The following TMEM117 variants were observed in gnomAD, a reference collection of about 807,000 sequenced individuals.
The protein encoded by TMEM117 is transmembrane protein 117.
A neutral mutation model predicts 52.4 loss-of-function variants in TMEM117; 27 were observed. The ratio of observed to expected loss-of-function variants is 0.51; its 90% CI spans 0.38 to 0.71. The LOEUF (loss-of-function observed/expected upper bound fraction) is 0.71. Ranked by LOEUF, TMEM117 falls within the 30% of genes least tolerant of loss-of-function variation. The pLI, the probability that TMEM117 is intolerant of heterozygous loss-of-function variation, is 0.00. For synonymous variants in TMEM117, 215 were observed against 206.3 expected (o/e 1.04, Z -0.36); for missense variants, 556 against 630.5 (o/e 0.88, Z 1.26).
chr12:44,382,991 TG>T (rs1270280617), intron 7 of TMEM117, among the ~76,000 whole-genome samples: 3 of 152,176 alleles, frequency 2.0e-5, no homozygotes, highest in Non-Finnish European at 4.4e-5. Context: ...CCAAGAAGAC[TG>T]ATACAGCAAA....
At chr12:44,211,941 A>G (rs1258806650) in intron 5 of TMEM117, among the ~76,000 whole-genome samples, 3 of 152,204 alleles carry the variant, frequency 2.0e-5, no homozygotes, top group Non-Finnish European at 4.4e-5. Context: ...AACAGAAAAG[A>G]TAGGAATGGA....
chr12:44,136,673 TA>T (rs977445649), intron 3 of TMEM117, among the ~76,000 whole-genome samples: 2 of 152,166 alleles, frequency 1.3e-5, no homozygotes, highest in African/African-American at 4.8e-5. Context: ...TAATCTCATT[TA>T]AAAAATACTT....
chr12:44,333,037 GA>G (rs1211013226), intron 6 of TMEM117, among the ~76,000 whole-genome samples: 2 of 151,936 alleles, frequency 1.3e-5, no homozygotes. Flanking sequence ...ATTACAGTTT[GA>G]TAAGATGTAA....
chr12:43,826,242 C>T, the TMEM117 span, among the ~76,000 whole-genome samples: 7 of 152,306 alleles, frequency 4.6e-5, no homozygotes, highest in South Asian at 2.1e-4. Context: ...AATTCTTCTG[C>T]GACAAGCCAA....
intron 2 of TMEM117, among the ~76,000 whole-genome samples, chr12:43,904,183 A>G (rs1050440593): frequency 6.6e-6 from 1 of 152,214 alleles, no homozygotes; most frequent in African/African-American, 2.4e-5. Flanking sequence ...GATTCATTAA[A>G]TAGTTCATAA....
intron 3 of TMEM117, among the ~76,000 whole-genome samples, chr12:44,054,019 T>C (rs1456501773): frequency 6.6e-6 from 1 of 152,162 alleles, no homozygotes; most frequent in Non-Finnish European, 1.5e-5. Flanking sequence ...TAATTGTAAG[T>C]GAAAAGAAGT....
intron 5 of TMEM117, among the ~76,000 whole-genome samples, chr12:44,291,089 G>A (rs918647825): frequency 1.3e-5 from 2 of 152,062 alleles, no homozygotes; most frequent in African/African-American, 2.4e-5. Flanking sequence ...GGGTAATATG[G>A]ATATTTTAGC....
intron 3 of TMEM117, among the ~76,000 whole-genome samples, chr12:43,951,874 C>T (rs1054134313): frequency 1.3e-5 from 2 of 152,178 alleles, no homozygotes; most frequent in Admixed American, 6.5e-5. Context: ...CAGCAGACAC[C>T]TGATGCAGGA....
chr12:44,159,564 A>C (rs1009318378), intron 4 of TMEM117, among the ~76,000 whole-genome samples: 1 of 152,148 alleles, frequency 6.6e-6, no homozygotes, highest in Non-Finnish European at 1.5e-5. Flanking sequence ...CAGTGTGTCC[A>C]TAATTTCTAA....
intron 5 of TMEM117, among the ~76,000 whole-genome samples, chr12:44,220,723 A>C (rs552646090): frequency 6.6e-6 from 1 of 152,242 alleles, no homozygotes; most frequent in South Asian, 2.1e-4. Context: ...GTCATGCCAG[A>C]AAGTAAGGAA....
At chr12:43,864,968 G>T (rs1380403822) in intron 2 of TMEM117, among the ~76,000 whole-genome samples, 1 of 152,068 alleles carries the variant, frequency 6.6e-6, no homozygotes, top group African/African-American at 2.4e-5. Flanking sequence ...AACAATTCCA[G>T]ACCCGCCACC....
rs1201818976 is a variant in TMEM117, at chr12:44,388,526, G to C, written c.1399G>C (p.Val467Leu). The change falls in exon 8 of 8, where the codon GTT becomes CTT. Residue 467 changes from valine to leucine, a missense_variant. Around this residue, in one of 3 missense-constraint regions of TMEM117, gnomAD observed 206 missense variants for 211.1 expected, o/e 0.98. Coordinates refer to ENST00000266534, the MANE Select transcript of TMEM117 (RefSeq NM_032256.3). ...VEDPLNDPSL[V>L]CIRSDFNEIV... ...AGACCCCTTGAATGACCCTTCTTTG[G>C]TTTGCATCAGGTCTGACTTCAATGA... 3 of 1,613,508 alleles carry C rather than the reference G, an allele frequency of 1.9e-6. No homozygotes were observed. In the South Asian group the frequency reaches 3.3e-5, roughly 18 times the overall value.
intron 6 of TMEM117, among the ~76,000 whole-genome samples, chr12:44,352,770 C>A (rs1319320860): frequency 6.6e-6 from 1 of 152,074 alleles, no homozygotes; most frequent in African/African-American, 2.4e-5. Context: ...GTTCATGTGT[C>A]TTTATAGCAG....
At chr12:44,292,817 A>C (rs1950721307) in intron 5 of TMEM117, among the ~76,000 whole-genome samples, 1 of 152,074 alleles carries the variant, frequency 6.6e-6, no homozygotes, top group Admixed American at 6.5e-5. Context: ...TGTGGTCAGA[A>C]AAGATAAAGT....
intron 4 of TMEM117, among the ~76,000 whole-genome samples, chr12:44,168,443 A>G (rs1948999522): frequency 6.6e-6 from 1 of 152,198 alleles, no homozygotes; most frequent in African/African-American, 2.4e-5. Context: ...ACATTATTTT[A>G]TGACAGCATA....
At chr12:44,311,995 T>A (rs1197065655) in intron 6 of TMEM117, among the ~76,000 whole-genome samples, 1 of 150,898 alleles carries the variant, frequency 6.6e-6, no homozygotes, top group Non-Finnish European at 1.5e-5. Context: ...GCCAGATGGG[T>A]TTCTGGGCAA....
chr12:44,101,652 G>A lies in TMEM117; in HGVS notation c.411-41873G>A, dbSNP rs189530597. ...CTAGATTACTTAAAACATCCATTGCGCAATGGATCAAATGAGAAAATTCTT... is the reference window on the plus strand; with the variant it reads ...CTAGATTACTTAAAACATCCATTGCACAATGGATCAAATGAGAAAATTCTT... On this transcript the variant is annotated intron_variant, in intron 3 of 7. Transcript: ENST00000266534. 5.9e-5 allele frequency among the ~76,000 whole-genome samples: 9 copies of A among 151,984 alleles called. No homozygotes were observed. In the East Asian group the frequency reaches 9.7e-4, roughly 16 times the overall value.
intron 5 of TMEM117, among the ~76,000 whole-genome samples, chr12:44,266,178 T>A (rs908266571): frequency 3.9e-5 from 6 of 152,162 alleles, no homozygotes; most frequent in Admixed American, 6.5e-5. Flanking sequence ...GGTAATATAG[T>A]AACATTTAAC....
intron 2 of TMEM117, among the ~76,000 whole-genome samples, chr12:43,846,289 C>G (rs1395206216): frequency 1.3e-5 from 2 of 151,992 alleles, no homozygotes; most frequent in Non-Finnish European, 2.9e-5. Flanking sequence ...GTGACAGGGA[C>G]ATTGGGACAT....
Sources: allele counts gnomAD v4.1 joint callset (sites outside exome capture counted in the v4.1 genomes callset), GRCh38; gene constraint gnomAD v4.1.1; regional missense constraint gnomAD v4.1.1; transcripts MANE v1.5; gene names NCBI Gene and HGNC (gene_info 2026-07-23, HGNC 2026-07-21).